The following KLF12 variants were observed in gnomAD, a reference collection of about 807,000 sequenced individuals.
KLF12 encodes Krueppel-like factor 12.
In KLF12, 9 loss-of-function variants were observed where a neutral mutation model predicts 37.8. That is an observed-to-expected ratio of 0.24 (90% CI 0.14 to 0.42). The LOEUF is 0.42. Among genes scored for constraint, KLF12 ranks in the 10% least tolerant of loss-of-function variants. The probability of loss-of-function intolerance (pLI) is 1.00; values close to 1 mark genes in which losing one functional copy is unlikely to be tolerated. For missense variants in KLF12, 411 were observed against 516.0 expected, an observed-to-expected ratio of 0.80 and a Z score of 1.97; for synonymous variants, 208 against 202.1, an observed-to-expected ratio of 1.03 and a Z score of -0.25.
At chr13:74,053,056 A>G (rs1460790932) in intron 1 of KLF12, among the ~76,000 whole-genome samples, 3 of 152,230 alleles carry the variant, frequency 2.0e-5, no homozygotes, top group Non-Finnish European at 4.4e-5. Flanking sequence ...TCAGGAAACT[A>G]TATTATCTAG....
intron 4 of KLF12, among the ~76,000 whole-genome samples, chr13:73,841,710 C>A (rs1884743496): frequency 6.6e-6 from 1 of 152,128 alleles, no homozygotes; most frequent in African/African-American, 2.4e-5. Flanking sequence ...GCAGTTTATG[C>A]CATTCCGTTG....
chr13:73,851,748 C>G (rs1045724277), intron 3 of KLF12, among the ~76,000 whole-genome samples: 1 of 152,034 alleles, frequency 6.6e-6, no homozygotes, highest in African/African-American at 2.4e-5. Flanking sequence ...TGAACATGTA[C>G]CTTTTATAGG....
the KLF12 span, among the ~76,000 whole-genome samples, chr13:74,297,589 C>T: frequency 6.6e-6 from 1 of 152,134 alleles, no homozygotes; most frequent in Non-Finnish European, 1.5e-5. Context: ...TAGCTGGGAG[C>T]TAATATCTTA....
At chr13:74,057,791 G>A (rs1873331806) in intron 1 of KLF12, among the ~76,000 whole-genome samples, 1 of 151,870 alleles carries the variant, frequency 6.6e-6, no homozygotes, top group Non-Finnish European at 1.5e-5. Flanking sequence ...AGGGAAATGA[G>A]GAAAAATAAG....
chr13:74,052,561 G>A (rs757429387), intron 1 of KLF12, among the ~76,000 whole-genome samples: 6 of 152,010 alleles, frequency 3.9e-5, no homozygotes, highest in Admixed American at 6.6e-5. Context: ...CCAGCCCAGC[G>A]CCACACTCCA....
rs541319480 is a variant in KLF12 at position 73,691,497 on chromosome 13, A to G, written c.*3993T>C. ...CTTTCTGGGCCTATTATGATTCATA[A>G]GAGTTACCTCACATTCAGTCCCTTA... On this transcript the variant is annotated 3_prime_UTR_variant, in exon 8 of 8. Transcript: ENST00000377669. 3.9e-5 allele frequency: 6 copies of G among 152,762 alleles called. No individual in the cohort carries two copies. In the South Asian group the frequency reaches 1.2e-3, roughly 32 times the overall value. 9.5% of individuals were successfully genotyped at this position (152,762 alleles called of 1,614,324 possible). A position where few individuals can be genotyped will look rare whatever the true frequency, so the allele number is the denominator to read the frequency against.
intron 4 of KLF12, among the ~76,000 whole-genome samples, chr13:73,824,784 C>G (rs1883740801): frequency 6.6e-6 from 1 of 152,072 alleles, no homozygotes; most frequent in South Asian, 2.1e-4. Flanking sequence ...TTTCTAATTT[C>G]AGGCTGGGCG....
chr13:73,745,294 C>T (rs959125687), intron 6 of KLF12, among the ~76,000 whole-genome samples: 12 of 152,052 alleles, frequency 7.9e-5, no homozygotes, highest in African/African-American at 2.9e-4. Flanking sequence ...TACTCTTATC[C>T]AATTGCAACT....
At chr13:73,879,950 A>G (rs189149671) in intron 3 of KLF12, among the ~76,000 whole-genome samples, 3 of 152,224 alleles carry the variant, frequency 2.0e-5, no homozygotes, top group Non-Finnish European at 2.9e-5. Context: ...CCACTCCTCC[A>G]CAAGCTCCTT....
chr13:74,210,890 G>A, the KLF12 span, among the ~76,000 whole-genome samples: 1 of 152,150 alleles, frequency 6.6e-6, no homozygotes, highest in African/African-American at 2.4e-5. Context: ...GGCATTCGTA[G>A]CCTATTTCAA....
At chr13:74,085,308 G>A (rs953240059) in intron 1 of KLF12, among the ~76,000 whole-genome samples, 17 of 152,170 alleles carry the variant, frequency 1.1e-4, no homozygotes, top group African/African-American at 3.4e-4. Context: ...GTTAATGGCT[G>A]AATATAAAAT....
intron 1 of KLF12, among the ~76,000 whole-genome samples, chr13:74,110,885 T>C (rs1876932080): frequency 6.6e-6 from 1 of 152,142 alleles, no homozygotes; most frequent in African/African-American, 2.4e-5. Context: ...GTATTTGAAA[T>C]TGACTTCAAT....
intron 1 of KLF12, among the ~76,000 whole-genome samples, chr13:74,119,092 G>A (rs1877472288): frequency 6.6e-6 from 1 of 152,098 alleles, no homozygotes; most frequent in Non-Finnish European, 1.5e-5. Context: ...CAGTAACTTG[G>A]GAGGCCAAGG....
At chr13:73,699,806 A>G (rs1452289541) in intron 7 of KLF12, among the ~76,000 whole-genome samples, 1 of 152,188 alleles carries the variant, frequency 6.6e-6, no homozygotes, top group Non-Finnish European at 1.5e-5. Context: ...AGCACCTGGT[A>G]GAGCAAGGGT....
Position 73,820,502 on chromosome 13 carries a change from T to C in KLF12, c.671-7215A>G, listed in dbSNP as rs148935119. ...CAAGATTAGAAATAGCTCTCCAGGG[T>C]CCTGTTTTGTTTACTAATGTTTCGA... On this transcript the variant is annotated intron_variant, in intron 4 of 7. Transcript: ENST00000377669. 2.6e-5 allele frequency among the ~76,000 whole-genome samples: 4 copies of C among 152,238 alleles called. No homozygotes were observed. The East Asian group carries it at 7.7e-4, about 29-fold the overall frequency.
intron 3 of KLF12, among the ~76,000 whole-genome samples, chr13:73,906,020 A>G (rs1187184541): frequency 6.6e-6 from 1 of 152,176 alleles, no homozygotes; most frequent in Non-Finnish European, 1.5e-5. Context: ...GTTTGGTTTA[A>G]TATGTGTATT....
intron 6 of KLF12, among the ~76,000 whole-genome samples, chr13:73,745,853 A>C (rs988633550): frequency 2.0e-5 from 3 of 152,214 alleles, no homozygotes; most frequent in African/African-American, 7.2e-5. Flanking sequence ...TAAATAACTG[A>C]ATCAGTAACT....
In KLF12 at chr13:73,690,074, T is replaced by C. The variant is rs1345620436; in HGVS notation, c.*5416A>G. 1 of 152,574 alleles carries C rather than the reference T, an allele frequency of 6.6e-6. No homozygotes were observed. The highest frequency in any genetic ancestry group is 1.5e-5 in the Non-Finnish European group (1 of 68,020). 9.5% of individuals were successfully genotyped at this position (152,574 alleles called of 1,614,324 possible). A position where few individuals can be genotyped will look rare whatever the true frequency, so the allele number is the denominator to read the frequency against. On this transcript the variant is annotated 3_prime_UTR_variant, in exon 8 of 8. Transcript: ENST00000377669. ...ATTTGAAAGCTATAAAAGCGTTTTTTGTGGGCATGTGAACAGATTTGATTT... is the reference window on the plus strand; with the variant it reads ...ATTTGAAAGCTATAAAAGCGTTTTTCGTGGGCATGTGAACAGATTTGATTT...
the KLF12 span, among the ~76,000 whole-genome samples, chr13:74,241,848 A>G: frequency 2.0e-5 from 3 of 151,898 alleles, no homozygotes; most frequent in Admixed American, 1.3e-4. Context: ...ACTGTCTGGC[A>G]CTCCGTAGTG....
Sources: allele counts gnomAD v4.1 joint callset (sites outside exome capture counted in the v4.1 genomes callset), GRCh38; gene constraint gnomAD v4.1.1; transcripts MANE v1.5; gene names NCBI Gene and HGNC (gene_info 2026-07-23, HGNC 2026-07-21).